Variants in DEUP1 observed in about 807,000 individuals in gnomAD.
DEUP1 encodes the protein coiled-coil domain containing 67.
A neutral mutation model predicts 87.4 loss-of-function variants in DEUP1; 82 were observed. That is an observed-to-expected ratio of 0.94 (90% CI 0.78 to 1.13). The LOEUF is 1.13. DEUP1 is among the 50% of genes most tolerant of loss of function. DEUP1 has a pLI of 0.00. For synonymous variants in DEUP1, 214 were observed against 222.7 expected (o/e 0.96, Z 0.35); for missense variants, 663 against 681.5 (o/e 0.97, Z 0.30).
At chr11:93,436,487 G>T (rs982608451) in intron 13 of DEUP1, among the ~76,000 whole-genome samples, 22 of 152,276 alleles carry the variant, frequency 1.4e-4, no homozygotes, top group African/African-American at 5.1e-4. Flanking sequence ...TAATGCATTT[G>T]CCAGATCAAT....
At position 93,415,001 on chromosome 11, in the gene DEUP1, C is replaced by G; in HGVS notation, c.1525C>G (p.Leu509Val). 2 of 1,527,454 alleles carry G rather than the reference C, an allele frequency of 1.3e-6. No homozygotes were observed. The highest frequency in any genetic ancestry group is 2.8e-5 in the African/African-American group (2 of 71,312). 94.6% of individuals were successfully genotyped at this position (1,527,454 alleles called of 1,614,324 possible). A position where few individuals can be genotyped will look rare whatever the true frequency, so the allele number is the denominator to read the frequency against. The change falls in exon 13 of 14, where the codon CTT (leucine) becomes GTT (valine). Residue 509 changes from leucine (L) to valine (V), a missense_variant and splice_region_variant. Physicochemically the swap from Leu to Val is conservative, Grantham distance 32 (BLOSUM62 1). Transcript: ENST00000298050. ...CAACAACCATTTCTTCTCTTTTAGA[C>G]TTAGTCATGACTGTGAGCCAAACAG... is the stretch of plus-strand genomic sequence containing the variant. ...QIKVEQNEERLSHDCEPNRST... is the reference protein window; with the variant it reads ...QIKVEQNEERVSHDCEPNRST...
intron 4 of DEUP1, among the ~76,000 whole-genome samples, chr11:93,357,735 T>G (rs1401096527): frequency 6.6e-6 from 1 of 152,190 alleles, no homozygotes; most frequent in African/African-American, 2.4e-5. Flanking sequence ...CAACTTTTTT[T>G]GGAGTACAAA....
chr11:93,341,147 G>A (rs2134163408), intron 2 of DEUP1, among the ~76,000 whole-genome samples: 1 of 152,218 alleles, frequency 6.6e-6, no homozygotes, highest in Admixed American at 6.5e-5. Context: ...GCTGGGCATG[G>A]TGGCTCACGC....
chr11:93,357,383 A>G (rs1412888786), intron 4 of DEUP1: 1 of 170,456 alleles, frequency 5.9e-6, no homozygotes, highest in Non-Finnish European at 1.2e-5. Flanking sequence ...ACTATCTAAT[A>G]AAGATGTTCT....
chr11:93,391,116 G>C (rs1184688772), intron 9 of DEUP1, among the ~76,000 whole-genome samples: 1 of 149,118 alleles, frequency 6.7e-6, no homozygotes, highest in Non-Finnish European at 1.5e-5. Flanking sequence ...AAGTGTTTCT[G>C]AAGAGCATTT....
intron 12 of DEUP1, among the ~76,000 whole-genome samples, chr11:93,414,276 G>C (rs1258440865): frequency 1.3e-5 from 2 of 152,168 alleles, no homozygotes; most frequent in Non-Finnish European, 2.9e-5. Context: ...CACTTTGGGA[G>C]GCCAACGCAG....
chr11:93,386,646 A>G (rs562997301), intron 8 of DEUP1, among the ~76,000 whole-genome samples: 7 of 152,310 alleles, frequency 4.6e-5, no homozygotes, highest in Middle Eastern at 6.8e-3. Context: ...ACAAATGGCA[A>G]CTTAAGATCC....
chr11:93,333,377 A>G (rs1031363750), intron 2 of DEUP1, among the ~76,000 whole-genome samples: 7 of 152,120 alleles, frequency 4.6e-5, no homozygotes, highest in African/African-American at 1.7e-4. Flanking sequence ...CCACCATCAT[A>G]AGTGTGCTCT....
chr11:93,400,354 G>A (rs1565336154), intron 11 of DEUP1, among the ~76,000 whole-genome samples: 1 of 152,134 alleles, frequency 6.6e-6, no homozygotes, highest in Non-Finnish European at 1.5e-5. Context: ...GCCAACAATT[G>A]TTGGCATTCC....
rs141876431 is a variant in DEUP1, at chr11:93,349,581, T to C, written c.30-5790T>C. Reference sequence around the variant, plus strand: ...CAAATGGTATGTTTCAAGGATGAAATTGACAAAAAAAAAAAACTTGTTCAA... The same window carrying C: ...CAAATGGTATGTTTCAAGGATGAAACTGACAAAAAAAAAAAACTTGTTCAA... On this transcript the variant is annotated intron_variant, in intron 2 of 13. Coordinates refer to ENST00000298050, the MANE Select transcript of DEUP1 (RefSeq NM_181645.4). 5.4e-3 allele frequency among the ~76,000 whole-genome samples: 468 copies of C among 86,854 alleles called. 2 individuals are homozygous for C. The highest frequency in any genetic ancestry group is 0.016 in the Middle Eastern group (3 of 188). 57.0% of individuals were successfully genotyped at this position (86,854 alleles called of 152,430 possible).
chr11:93,437,524 T>C lies in DEUP1; in HGVS notation c.1639-19T>C, dbSNP rs749713962. On this transcript the variant is annotated intron_variant, in intron 13 of 13. Coordinates refer to ENST00000298050, the MANE Select transcript of DEUP1 (RefSeq NM_181645.4). ...AAGCTCTGTATTCCTCACTCACTTT[T>C]CTTTCTTTCTCTCTTTAGTCTCCCC... 8.2e-6 allele frequency: 13 copies of C among 1,587,964 alleles called. No homozygotes were observed. The highest frequency in any genetic ancestry group is 1.1e-5 in the Non-Finnish European group (13 of 1,168,384).
chr11:93,431,095 C>CTAA, intron 13 of DEUP1, among the ~76,000 whole-genome samples: 1 of 112,630 alleles, frequency 8.9e-6, no homozygotes, highest in East Asian at 2.5e-4. Context: ...AACACTGTCT[C>CTAA]AAAAAAAAAA....
chr11:93,382,440 G>A (rs1303862185), intron 7 of DEUP1, among the ~76,000 whole-genome samples: 1 of 152,166 alleles, frequency 6.6e-6, no homozygotes, highest in African/African-American at 2.4e-5. Context: ...GCTTGTACCT[G>A]TGTAGTTAGG....
intron 4 of DEUP1, among the ~76,000 whole-genome samples, chr11:93,360,736 A>G (rs909690067): frequency 6.6e-6 from 1 of 152,072 alleles, no homozygotes; most frequent in African/African-American, 2.4e-5. Context: ...AAATTATCCA[A>G]TCTGAACAAC....
intron 13 of DEUP1, among the ~76,000 whole-genome samples, chr11:93,416,780 A>G (rs1444694853): frequency 2.0e-5 from 3 of 151,230 alleles, no homozygotes; most frequent in East Asian, 2.0e-4. Flanking sequence ...AAAATCCTCA[A>G]TAAAATACTG....
intron 2 of DEUP1, among the ~76,000 whole-genome samples, chr11:93,337,623 C>A (rs2134151929): frequency 6.6e-6 from 1 of 152,164 alleles, no homozygotes. Flanking sequence ...AAGTAAAGTA[C>A]ATCTGGGTTA....
intron 11 of DEUP1, among the ~76,000 whole-genome samples, chr11:93,400,630 G>A (rs950154451): frequency 3.3e-5 from 5 of 152,096 alleles, no homozygotes; most frequent in African/African-American, 1.2e-4. Flanking sequence ...CTTTTTGGGA[G>A]TGGCACAGCT....
At chr11:93,334,439 C>T (rs1275233628) in intron 2 of DEUP1, among the ~76,000 whole-genome samples, 1 of 152,096 alleles carries the variant, frequency 6.6e-6, no homozygotes, top group Non-Finnish European at 1.5e-5. Flanking sequence ...GGGCTTATAC[C>T]ATAGTGGAAG....
At chr11:93,342,444 G>A (rs151202139) in intron 2 of DEUP1, among the ~76,000 whole-genome samples, 4 of 152,346 alleles carry the variant, frequency 2.6e-5, no homozygotes, top group Non-Finnish European at 5.9e-5. Context: ...TGCAAGAGAA[G>A]GCACTGAGGC....
Sources: allele counts gnomAD v4.1 joint callset (sites outside exome capture counted in the v4.1 genomes callset), GRCh38; gene constraint gnomAD v4.1.1; transcripts MANE v1.5; gene names NCBI Gene and HGNC (gene_info 2026-07-23, HGNC 2026-07-21).